Variants in PKP4 observed in about 807,000 individuals in gnomAD.
PKP4 encodes the protein plakophilin-4.
In PKP4, 90 loss-of-function variants were observed where a neutral mutation model predicts 145.1. That is an observed-to-expected ratio of 0.62 (90% CI 0.52 to 0.74). The LOEUF is 0.74. Among genes scored for constraint, PKP4 ranks in the 30% least tolerant of loss-of-function variants. The probability of loss-of-function intolerance (pLI) is 0.00; values close to 1 mark genes in which losing one functional copy is unlikely to be tolerated. For missense variants in PKP4, 1,340 were observed against 1,482.7 expected (o/e 0.90, Z 1.58); for synonymous variants, 563 against 577.2 (o/e 0.98, Z 0.35).
At chr2:158,548,146 A>G (rs1013493259) in intron 2 of PKP4, among the ~76,000 whole-genome samples, 3 of 152,314 alleles carry the variant, frequency 2.0e-5, no homozygotes, top group Non-Finnish European at 4.4e-5. Flanking sequence ...TACTGAAATA[A>G]CATAAGGAGC....
At chr2:158,572,983 C>T (rs1287053144) in intron 2 of PKP4, among the ~76,000 whole-genome samples, 5 of 152,156 alleles carry the variant, frequency 3.3e-5, no homozygotes, top group African/African-American at 4.8e-5. Context: ...GTGTACCTTT[C>T]GACCAAGCAA....
At chr2:158,664,094 G>A (rs182979803) in intron 15 of PKP4, among the ~76,000 whole-genome samples, 36 of 152,352 alleles carry the variant, frequency 2.4e-4, no homozygotes, top group African/African-American at 7.2e-4. Flanking sequence ...GAGTGACAGA[G>A]ACGGGCTAAT....
chr2:158,652,841 G>T (rs1426033429), intron 11 of PKP4, among the ~76,000 whole-genome samples: 1 of 152,196 alleles, frequency 6.6e-6, no homozygotes, highest in Non-Finnish European at 1.5e-5. Flanking sequence ...TGGGAATGGA[G>T]TGGGGGTTGA....
chr2:158,596,560 G>A (rs2049762024), intron 3 of PKP4, among the ~76,000 whole-genome samples: 1 of 151,674 alleles, frequency 6.6e-6, no homozygotes, highest in South Asian at 2.1e-4. Flanking sequence ...AGAGAATATT[G>A]TGTACCAGGC....
intron 9 of PKP4, among the ~76,000 whole-genome samples, chr2:158,638,407 TG>T (rs1476322438): frequency 6.6e-6 from 1 of 152,194 alleles, no homozygotes; most frequent in Non-Finnish European, 1.5e-5. Context: ...AATAATTAAT[TG>T]GTTTTCAAAA....
intron 19 of PKP4, among the ~76,000 whole-genome samples, chr2:158,675,838 G>A (rs994853704): frequency 4.6e-5 from 7 of 152,282 alleles, no homozygotes; most frequent in Admixed American, 1.3e-4. Context: ...CTCTGAAAGC[G>A]TCAATTTATG....
chr2:158,636,049 G>GT (rs952596051), intron 9 of PKP4, among the ~76,000 whole-genome samples: 8 of 152,076 alleles, frequency 5.3e-5, no homozygotes, highest in African/African-American at 1.9e-4. Context: ...AAATCTGTGA[G>GT]TTTTTTTATA....
At chr2:158,619,533 C>T (rs553499144) in intron 4 of PKP4, among the ~76,000 whole-genome samples, 26 of 152,326 alleles carry the variant, frequency 1.7e-4, no homozygotes, top group African/African-American at 6.0e-4. Flanking sequence ...TCCCACTTCT[C>T]CCTTAAACCT....
Position 158,640,670 on chromosome 2 carries a change from A to G in PKP4, c.1606A>G (p.Met536Val). 1.9e-6 allele frequency: 3 copies of G among 1,613,942 alleles called. No individual in the cohort carries two copies. The highest frequency in any genetic ancestry group is 2.5e-6 in the Non-Finnish European group (3 of 1,179,968). Residue 536 changes from methionine to valine, a missense_variant, in exon 10 of 22, where the codon ATG becomes GTG. Met to Val is a conservative substitution (Grantham distance 21). Coordinates refer to ENST00000389759, the MANE Select transcript of PKP4 (RefSeq NM_003628.6). The stretch of plus-strand genomic sequence containing the variant: ...TCCTGAGTTGCCTGAGGTCATTCAC[A>G]TGCTTCAGCACCAGTTCCCATCTGT... ...RDPELPEVIH[M>V]LQHQFPSVQA...
chr2:158,536,346 C>T (rs1259701343), intron 2 of PKP4, among the ~76,000 whole-genome samples: 1 of 152,094 alleles, frequency 6.6e-6, no homozygotes, highest in East Asian at 1.9e-4. Context: ...TTTATTGCAA[C>T]CCCAAACATA....
At chr2:158,541,703 G>A (rs2105663278) in intron 2 of PKP4, among the ~76,000 whole-genome samples, 1 of 152,158 alleles carries the variant, frequency 6.6e-6, no homozygotes, top group South Asian at 2.1e-4. Flanking sequence ...TTAAAAATTG[G>A]AGTTCAAAGC....
chr2:158,646,847 T>TCC (rs2054876701), intron 11 of PKP4, among the ~76,000 whole-genome samples: 1 of 152,064 alleles, frequency 6.6e-6, no homozygotes, highest in African/African-American at 2.4e-5. Context: ...CACAGGAAGC[T>TCC]CATTACCTGG....
At chr2:158,544,948 C>T (rs2044850039) in intron 2 of PKP4, among the ~76,000 whole-genome samples, 1 of 152,150 alleles carries the variant, frequency 6.6e-6, no homozygotes, top group Non-Finnish European at 1.5e-5. Flanking sequence ...CAAGGCCTCT[C>T]ATTCACAGGA....
At chr2:158,596,314 C>T (rs1025761120) in intron 3 of PKP4, among the ~76,000 whole-genome samples, 7 of 151,922 alleles carry the variant, frequency 4.6e-5, no homozygotes, top group African/African-American at 7.3e-5. Context: ...CATCTGTAAA[C>T]GTGGGCGTTT....
chr2:158,662,837 A>G, intron 13 of PKP4, 60 bp from the exon 14 acceptor site: 1 of 1,352,324 alleles, frequency 7.4e-7, no homozygotes, highest in Admixed American at 2.2e-5. Flanking sequence ...TGTTCAGTAC[A>G]GAAGTGTTTT....
In PKP4 at chr2:158,640,690, A is replaced by G. The variant is rs1558936140; in HGVS notation, c.1626A>G (p.Pro542=). The G allele has an allele frequency of 6.2e-7, 1 of 1,614,090 alleles. No individual in the cohort carries two copies. The highest frequency in any genetic ancestry group is 8.5e-7 in the Non-Finnish European group (1 of 1,179,998). ...EVIHMLQHQF[P]SVQANAAAYL... ...TTCACATGCTTCAGCACCAGTTCCC[A>G]TCTGTTCAGGCAAATGCAGCGGCCT... The change falls in exon 10 of 22, where the codon CCA becomes CCG. Residue 542 remains proline (P), a synonymous_variant. Coordinates refer to ENST00000389759, the MANE Select transcript of PKP4 (RefSeq NM_003628.6).
intron 3 of PKP4, among the ~76,000 whole-genome samples, chr2:158,587,494 A>T (rs1467860337): frequency 1.3e-5 from 2 of 152,088 alleles, no homozygotes; most frequent in African/African-American, 4.8e-5. Context: ...TAGGTTATAC[A>T]GGATATTTCA....
chr2:158,493,438 C>T (rs933150141), intron 1 of PKP4, among the ~76,000 whole-genome samples: 1 of 152,192 alleles, frequency 6.6e-6, no homozygotes, highest in Non-Finnish European at 1.5e-5. Flanking sequence ...TCTTCTCACA[C>T]CCTCCTTTAG....
At chr2:158,572,001 C>T (rs1307726414) in intron 2 of PKP4, among the ~76,000 whole-genome samples, 2 of 152,112 alleles carry the variant, frequency 1.3e-5, no homozygotes, top group East Asian at 3.8e-4. Flanking sequence ...ACAGTAATCA[C>T]CAATTTTAAG....
Sources: gnomAD v4.1 joint callset for allele counts (sites outside exome capture counted in the v4.1 genomes callset) on GRCh38, gnomAD v4.1.1 for gene constraint, MANE v1.5 for transcripts, NCBI Gene and HGNC (gene_info 2026-07-23, HGNC 2026-07-21) for gene names.